DZANK1: variants seen among roughly 807,000 people sequenced by gnomAD.
The protein encoded by DZANK1 is double zinc ribbon and ankyrin repeat-containing protein 1.
Under a neutral mutation model 94.5 loss-of-function variants are expected in DZANK1, and 91 were observed. That is an observed-to-expected ratio of 0.96 (90% confidence interval 0.81 to 1.15). DZANK1 has a LOEUF of 1.15. Among genes scored for constraint, DZANK1 ranks in the 50% most tolerant of loss-of-function variants. DZANK1 has a pLI of 0.00. For missense variants in DZANK1, 903 were observed against 916.4 expected (o/e 0.99, Z 0.19); for synonymous variants, 312 against 325.3 (o/e 0.96, Z 0.44).
chr20:18,397,565 A>G (rs1489543680), intron 14 of DZANK1, among the ~76,000 whole-genome samples: 3 of 152,176 alleles, frequency 2.0e-5, no homozygotes, highest in East Asian at 1.9e-4. Context: ...CTGACTATCA[A>G]CTGCGGTGTG....
intron 13 of DZANK1, among the ~76,000 whole-genome samples, chr20:18,406,912 A>C (rs2056993205): frequency 6.6e-6 from 1 of 152,206 alleles, no homozygotes; most frequent in East Asian, 1.9e-4. Context: ...GGCCTGGCAG[A>C]ATCCCCTGTG....
At chr20:18,384,391 C>T (rs753486884) in exon 21 of DZANK1, 4 of 1,606,508 alleles carry the variant, frequency 2.5e-6, no homozygotes, top group South Asian at 2.2e-5. Flanking sequence ...CCCGTGGAGG[C>T]CTCAGGGCTA....
At chr20:18,389,592 A>G in intron 19 of DZANK1, 109 bp downstream of exon 19, 1 of 1,450,684 alleles carries the variant, frequency 6.9e-7, no homozygotes, top group Non-Finnish European at 9.2e-7. Context: ...AAATGGTTAA[A>G]GTGGCTGAAA....
intron 19 of DZANK1, 103 bp from the exon 20 acceptor site, chr20:18,385,193 C>T (rs1467574919): frequency 1.9e-6 from 2 of 1,055,676 alleles, no homozygotes; most frequent in African/African-American, 1.6e-5. Context: ...CACCGACCTA[C>T]TTAACTAACC....
chr20:18,414,164 C>T (rs542286201), intron 12 of DZANK1, among the ~76,000 whole-genome samples, 184 bp downstream of exon 12: 5 of 152,228 alleles, frequency 3.3e-5, no homozygotes, highest in Non-Finnish European at 7.3e-5. Context: ...ATTATGTCTA[C>T]GGCCTTGCAA....
At chr20:18,436,193 A>G (rs2058513209) in intron 8 of DZANK1, among the ~76,000 whole-genome samples, 1 of 152,236 alleles carries the variant, frequency 6.6e-6, no homozygotes, top group Non-Finnish European at 1.5e-5. Flanking sequence ...TATGATGACA[A>G]TGATCTGACT....
At chr20:18,465,311 C>A (rs781479670) in exon 2 of DZANK1, 1 of 1,611,796 alleles carries the variant, frequency 6.2e-7, no homozygotes, top group African/African-American at 1.3e-5. Flanking sequence ...CAGGCTGAGG[C>A]ACTCGTAATG....
At chr20:18,445,367 T>C (rs1179001580) in intron 7 of DZANK1, among the ~76,000 whole-genome samples, 1 of 152,150 alleles carries the variant, frequency 6.6e-6, no homozygotes, top group African/African-American at 2.4e-5. Context: ...AATGCAAGAA[T>C]AAATAGGCAA....
At chr20:18,388,713 A>C (rs2048665108) in intron 19 of DZANK1, among the ~76,000 whole-genome samples, 1 of 152,224 alleles carries the variant, frequency 6.6e-6, no homozygotes. Context: ...GCTTTACACC[A>C]ACACACCAAA....
exon 21 of DZANK1, chr20:18,384,363 C>T (rs768674026): frequency 3.2e-5 from 50 of 1,577,922 alleles, no homozygotes; most frequent in Admixed American, 2.5e-4. Context: ...CAGCCATGCA[C>T]GTATTCTTAA....
chr20:18,396,976 G>A (rs1025972696), intron 14 of DZANK1, among the ~76,000 whole-genome samples: 1 of 152,186 alleles, frequency 6.6e-6, no homozygotes. Flanking sequence ...TGTGTAAGTA[G>A]CAATAGGAAT....
intron 8 of DZANK1, among the ~76,000 whole-genome samples, chr20:18,440,048 G>T (rs1263804851): frequency 6.6e-6 from 1 of 152,124 alleles, no homozygotes; most frequent in Non-Finnish European, 1.5e-5. Flanking sequence ...AGACACCAGG[G>T]TTGTGTACCC....
chr20:18,453,858 T>A, intron 4 of DZANK1, 31 bp from the exon 5 acceptor site: 5 of 1,273,128 alleles, frequency 3.9e-6, no homozygotes, highest in East Asian at 2.3e-5. Context: ...TATCAATCAC[T>A]TGGTTATTCC....
chr20:18,384,152 C>T (rs573524689), exon 21 of DZANK1: 8 of 300,472 alleles, frequency 2.7e-5, no homozygotes, highest in South Asian at 6.9e-5. Context: ...CTCTGCCTCC[C>T]GGGTTCAAGC....
intron 8 of DZANK1, among the ~76,000 whole-genome samples, chr20:18,434,196 C>T (rs2148625767): frequency 6.6e-6 from 1 of 151,566 alleles, no homozygotes; most frequent in Middle Eastern, 3.4e-3. Flanking sequence ...AGAAAAATAT[C>T]CATAGGAAAT....
exon 12 of DZANK1, chr20:18,414,445 A>G: frequency 2.5e-6 from 4 of 1,613,936 alleles, no homozygotes; most frequent in Non-Finnish European, 3.4e-6. Context: ...GGAGCCACAG[A>G]ATCGGGCAGA....
At chr20:18,414,278 G>C in intron 12 of DZANK1, 70 bp downstream of exon 12, 1 of 1,556,062 alleles carries the variant, frequency 6.4e-7, no homozygotes, top group South Asian at 1.2e-5. Flanking sequence ...TGATTCACAG[G>C]GTGGAGCACA....
At chr20:18,403,696 T>C (rs1031159527) in intron 13 of DZANK1, among the ~76,000 whole-genome samples, 9 of 138,366 alleles carry the variant, frequency 6.5e-5, no homozygotes, top group African/African-American at 2.4e-4. Flanking sequence ...AAACAATCCC[T>C]GTAAAGCCAG....
chr20:18,417,754 A>T (rs2057559615), intron 10 of DZANK1, among the ~76,000 whole-genome samples: 2 of 152,180 alleles, frequency 1.3e-5, no homozygotes, highest in Non-Finnish European at 2.9e-5. Context: ...GCATAAGACC[A>T]TAATAAATGA....
Sources: allele counts gnomAD v4.1 joint callset (sites outside exome capture counted in the v4.1 genomes callset), GRCh38; gene constraint gnomAD v4.1.1; transcripts MANE v1.5; gene names NCBI Gene and HGNC (gene_info 2026-07-23, HGNC 2026-07-21).